The following DDX10 variants were observed in gnomAD, a reference collection of about 807,000 sequenced individuals.
DDX10 encodes the protein DEAD-box helicase 10, also known as probable ATP-dependent RNA helicase DDX10.
A neutral mutation model predicts 104.3 loss-of-function variants in DDX10; 74 were observed. The observed-to-expected ratio is 0.71, with a 90% CI of 0.59 to 0.86. The LOEUF (loss-of-function observed/expected upper bound fraction) is 0.86. Ranked by LOEUF, DDX10 falls within the 40% of genes least tolerant of loss-of-function variation. The probability of loss-of-function intolerance (pLI) is 0.00; values close to 1 mark genes in which losing one functional copy is unlikely to be tolerated. For missense variants in DDX10, 952 were observed against 1,040.0 expected, an observed-to-expected ratio of 0.92 and a Z score of 1.16; for synonymous variants, 351 against 353.4, an observed-to-expected ratio of 0.99 and a Z score of 0.08.
chr11:108,703,537 C>T (rs1303776585), intron 9 of DDX10, among the ~76,000 whole-genome samples: 3 of 152,126 alleles, frequency 2.0e-5, no homozygotes, highest in Non-Finnish European at 4.4e-5. Flanking sequence ...ACCATGTTGG[C>T]CAGGATGGTC....
chr11:108,920,066 T>C (rs1863803435), intron 17 of DDX10: 1 of 152,110 alleles, frequency 6.6e-6, no homozygotes, highest in African/African-American at 2.4e-5. Flanking sequence ...AATTGATTGA[T>C]GAAGGAGATT....
At chr11:108,840,600 G>A (rs989328061) in intron 14 of DDX10, among the ~76,000 whole-genome samples, 6 of 152,158 alleles carry the variant, frequency 3.9e-5, no homozygotes, top group African/African-American at 1.4e-4. Flanking sequence ...TAGCAGATCA[G>A]TGCCCCATCT....
intron 16 of DDX10, among the ~76,000 whole-genome samples, chr11:108,880,237 G>C (rs1253863514): frequency 1.3e-5 from 2 of 152,122 alleles, no homozygotes; most frequent in East Asian, 1.9e-4. Flanking sequence ...TGTGCAGTGG[G>C]GGGTGTAGAA....
At chr11:108,846,820 A>ACCAG in intron 15 of DDX10, among the ~76,000 whole-genome samples, 1 of 149,860 alleles carries the variant, frequency 6.7e-6, no homozygotes, top group South Asian at 2.1e-4. Context: ...TTAGAGTACA[A>ACCAG]ACCAGACCAG....
At chr11:108,855,685 T>A (rs1862858192) in intron 16 of DDX10, among the ~76,000 whole-genome samples, 1 of 152,058 alleles carries the variant, frequency 6.6e-6, no homozygotes, top group Admixed American at 6.5e-5. Context: ...GGTCTTGATC[T>A]CCTGACCCCG....
intron 13 of DDX10, among the ~76,000 whole-genome samples, chr11:108,826,495 C>G (rs1042422227): frequency 6.6e-6 from 1 of 152,152 alleles, no homozygotes; most frequent in African/African-American, 2.4e-5. Context: ...AGCTATGGAC[C>G]TCAGTTACCA....
At chr11:108,705,416 T>C (rs1039314952) in intron 9 of DDX10, among the ~76,000 whole-genome samples, 1 of 152,202 alleles carries the variant, frequency 6.6e-6, no homozygotes, top group Non-Finnish European at 1.5e-5. Flanking sequence ...TGACATGTTT[T>C]TGTTTTTCTC....
At chr11:108,903,651 A>G (rs1027248622) in intron 16 of DDX10, among the ~76,000 whole-genome samples, 1 of 152,174 alleles carries the variant, frequency 6.6e-6, no homozygotes, top group Non-Finnish European at 1.5e-5. Context: ...GGTTATATGC[A>G]TATATCATTT....
At chr11:108,757,701 C>T (rs1050151550) in intron 13 of DDX10, among the ~76,000 whole-genome samples, 7 of 151,826 alleles carry the variant, frequency 4.6e-5, no homozygotes, top group Admixed American at 1.3e-4. Context: ...AACTTTTTTC[C>T]CTCTGACCCT....
chr11:108,769,978 G>T (rs1392130818), intron 13 of DDX10, among the ~76,000 whole-genome samples: 1 of 152,152 alleles, frequency 6.6e-6, no homozygotes, highest in Non-Finnish European at 1.5e-5. Flanking sequence ...CATTAGTTTT[G>T]CAAATCTCTT....
At chr11:108,902,112 A>G (rs533652278) in intron 16 of DDX10, among the ~76,000 whole-genome samples, 3 of 152,326 alleles carry the variant, frequency 2.0e-5, no homozygotes, top group Admixed American at 1.3e-4. Flanking sequence ...TGTTACTCAC[A>G]TGACCAGTTT....
At chr11:108,711,698 A>C (rs1204083695) in intron 10 of DDX10, among the ~76,000 whole-genome samples, 1 of 152,122 alleles carries the variant, frequency 6.6e-6, no homozygotes, top group Admixed American at 6.5e-5. Flanking sequence ...ATATTATTTT[A>C]ATTTTGTTAA....
At chr11:108,939,149 A>G (rs1864072397) in intron 17 of DDX10, among the ~76,000 whole-genome samples, 1 of 152,238 alleles carries the variant, frequency 6.6e-6, no homozygotes, top group African/African-American at 2.4e-5. Context: ...AAATAAGACA[A>G]CTGAGGGTTA....
chr11:108,750,495 ACT>A (rs1410099688), intron 13 of DDX10, among the ~76,000 whole-genome samples: 1 of 151,622 alleles, frequency 6.6e-6, no homozygotes, highest in Non-Finnish European at 1.5e-5. Context: ...AGTTCCCCCA[ACT>A]CTCTTTCACT....
intron 13 of DDX10, among the ~76,000 whole-genome samples, chr11:108,803,704 A>G (rs1230364072): frequency 6.6e-6 from 1 of 152,138 alleles, no homozygotes; most frequent in Non-Finnish European, 1.5e-5. Context: ...CATGTGAAAT[A>G]TACTTAAAGT....
At chr11:108,791,065 T>C (rs370955470) in intron 13 of DDX10, among the ~76,000 whole-genome samples, 5 of 152,364 alleles carry the variant, frequency 3.3e-5, no homozygotes, top group African/African-American at 1.2e-4. Flanking sequence ...TACTAGAATA[T>C]GGACAGGCTT....
At chr11:108,739,975 C>G (rs1442055218) in intron 13 of DDX10, among the ~76,000 whole-genome samples, 2 of 146,584 alleles carry the variant, frequency 1.4e-5, no homozygotes, top group Non-Finnish European at 3.0e-5. Flanking sequence ...TGGCTACCCA[C>G]CTTTTTTTTT....
intron 8 of DDX10, among the ~76,000 whole-genome samples, chr11:108,693,252 C>T (rs777492392): frequency 2.6e-5 from 4 of 152,258 alleles, no homozygotes; most frequent in South Asian, 2.1e-4. Flanking sequence ...ACTGTTTGTC[C>T]GACACAAAGC....
Position 108,673,389 on chromosome 11 carries a change from G to C in DDX10, c.187-78G>C, listed in dbSNP as rs578099776. 1.8e-5 allele frequency: 16 copies of C among 904,926 alleles called. No homozygotes were observed. In the Admixed American group the frequency reaches 1.8e-4, roughly 10 times the overall value. 56.1% of individuals were successfully genotyped at this position (904,926 alleles called of 1,614,324 possible). ...AACCCTGAATTACCAAGGATGAGCT[G>C]GGCAATACAATGTAGAGAAGAAATG... On this transcript the variant is annotated intron_variant, in intron 1 of 17. Transcript: ENST00000322536.
Sources: allele counts gnomAD v4.1 joint callset (sites outside exome capture counted in the v4.1 genomes callset), GRCh38; gene constraint gnomAD v4.1.1; transcripts MANE v1.5; gene names NCBI Gene and HGNC (gene_info 2026-07-23, HGNC 2026-07-21).